ANGPT1: variants seen among roughly 807,000 people sequenced by gnomAD.
ANGPT1 encodes angiopoietin 1.
Under a neutral mutation model 62.2 loss-of-function variants are expected in ANGPT1, and 17 were observed. The observed-to-expected ratio is 0.27, with a 90% confidence interval of 0.19 to 0.41. ANGPT1 has a LOEUF of 0.41. Among genes scored for constraint, ANGPT1 ranks in the 10% least tolerant of loss-of-function variants. ANGPT1 has a pLI of 1.00. For missense variants in ANGPT1, 478 were observed against 594.9 expected (o/e 0.80, Z 2.04); for synonymous variants, 199 against 198.9 (o/e 1.00, Z 0.00).
chr8:107,416,807 T>C (rs1387174430), intron 1 of ANGPT1, among the ~76,000 whole-genome samples: 1 of 151,408 alleles, frequency 6.6e-6, no homozygotes. Flanking sequence ...ATCTTTTTTT[T>C]TTTTTTTTTG....
At chr8:107,392,008 A>G (rs1049866001) in intron 1 of ANGPT1, among the ~76,000 whole-genome samples, 25 of 152,196 alleles carry the variant, frequency 1.6e-4, no homozygotes, top group African/African-American at 5.8e-4. Context: ...TATGTGGTGC[A>G]TGACTGTAAT....
intron 1 of ANGPT1, among the ~76,000 whole-genome samples, chr8:107,416,908 C>T (rs1162881235): frequency 6.6e-6 from 1 of 151,730 alleles, no homozygotes; most frequent in Non-Finnish European, 1.5e-5. Flanking sequence ...TCTCCCGCCT[C>T]AGGTTCCCCA....
At chr8:107,290,241 T>C (rs567336930) in intron 6 of ANGPT1, among the ~76,000 whole-genome samples, 3 of 152,004 alleles carry the variant, frequency 2.0e-5, no homozygotes, top group East Asian at 3.9e-4. Context: ...CCCATAGATA[T>C]CAATCACTAT....
chr8:107,438,746 T>C (rs144695766), intron 1 of ANGPT1, among the ~76,000 whole-genome samples: 77 of 152,266 alleles, frequency 5.1e-4, no homozygotes, highest in African/African-American at 1.7e-3. Context: ...TCATTTTATG[T>C]AGTGGGTGGT....
intron 3 of ANGPT1, among the ~76,000 whole-genome samples, chr8:107,333,541 T>A (rs1442796949): frequency 2.0e-5 from 3 of 152,110 alleles, no homozygotes; most frequent in Non-Finnish European, 4.4e-5. Context: ...TAGCAATAAA[T>A]GATGTGATTT....
chr8:107,342,847 A>G (rs1484646516), intron 2 of ANGPT1, among the ~76,000 whole-genome samples: 1 of 151,458 alleles, frequency 6.6e-6, no homozygotes, highest in Non-Finnish European at 1.5e-5. Flanking sequence ...ATATATATAT[A>G]TATTTAAAGA....
At chr8:107,378,514 A>G (rs1160933383) in intron 1 of ANGPT1, among the ~76,000 whole-genome samples, 3 of 152,148 alleles carry the variant, frequency 2.0e-5, no homozygotes, top group Non-Finnish European at 4.4e-5. Context: ...CACCATATAT[A>G]CCTAACTATA....
In ANGPT1 at chr8:107,338,170, G is replaced by A. The variant is rs749093621; in HGVS notation, c.454-1899C>T. Among the ~76,000 whole-genome samples, 3 of 152,154 alleles carry A rather than the reference G, an allele frequency of 2.0e-5. No individual in the cohort carries two copies. In the South Asian group the frequency reaches 6.2e-4, roughly 32 times the overall value. The stretch of plus-strand genomic sequence containing the variant: ...GGACTTGGGCTACAGGAATTTGCAG[G>A]AGTAGGGGATGTATTTGAAGGGAGC... On this transcript the variant is annotated intron_variant, in intron 2 of 8. Coordinates refer to ENST00000517746, the MANE Select transcript of ANGPT1 (RefSeq NM_001146.5).
At chr8:107,460,680 T>C (rs1812047383) in intron 1 of ANGPT1, among the ~76,000 whole-genome samples, 1 of 152,160 alleles carries the variant, frequency 6.6e-6, no homozygotes, top group Non-Finnish European at 1.5e-5. Flanking sequence ...GCTGCCTGCT[T>C]GACACACATG....
intron 1 of ANGPT1, among the ~76,000 whole-genome samples, chr8:107,382,017 G>A (rs533973393): frequency 4.0e-4 from 61 of 152,120 alleles, no homozygotes; most frequent in African/African-American, 1.4e-3. Flanking sequence ...TTTATATCAG[G>A]AATTTTTACT....
chr8:107,453,271 C>T (rs1418546212), intron 1 of ANGPT1, among the ~76,000 whole-genome samples: 7 of 152,162 alleles, frequency 4.6e-5, no homozygotes, highest in Admixed American at 4.6e-4. Context: ...TACAAAGATG[C>T]TCATTGCAAT....
At chr8:107,332,048 C>T (rs2130103380) in intron 3 of ANGPT1, among the ~76,000 whole-genome samples, 1 of 152,256 alleles carries the variant, frequency 6.6e-6, no homozygotes, top group South Asian at 2.1e-4. Flanking sequence ...AACCTTTCGA[C>T]TAACAGACCC....
At position 107,311,323 on chromosome 8, in the gene ANGPT1, G is replaced by A. The variant is rs186804661; in HGVS notation, c.809-7956C>T. The stretch of plus-strand genomic sequence containing the variant: ...AAAATTAATTCATATGGATAATAAC[G>A]GATTAAATTATTAGAAAAAAAGCCA... On this transcript the variant is annotated intron_variant, in intron 4 of 8. Transcript: ENST00000517746. Among the ~76,000 whole-genome samples, 394 of 151,630 alleles carry A rather than the reference G, an allele frequency of 2.6e-3. 2 individuals are homozygous for A. Among genetic ancestry groups the A allele is most frequent in the African/African-American group, 3.5e-3 (144 of 41,236 alleles).
chr8:107,453,904 G>A (rs915709782), intron 1 of ANGPT1, among the ~76,000 whole-genome samples: 2 of 151,720 alleles, frequency 1.3e-5, no homozygotes, highest in African/African-American at 4.8e-5. Context: ...AGTCACCATA[G>A]TTTTAAAAAA....
chr8:107,365,538 G>A (rs1357037710), intron 1 of ANGPT1, among the ~76,000 whole-genome samples: 1 of 152,094 alleles, frequency 6.6e-6, no homozygotes, highest in Admixed American at 6.6e-5. Flanking sequence ...ATGGTATTGG[G>A]CATGAAGCAA....
chr8:107,497,270 G>A lies in ANGPT1; in HGVS notation c.289C>T (p.Leu97=), dbSNP rs780076773. ...TGAAAGCAATCACTTACTTTTTGCAGCCACTGAGTATAATTTTCCATCACA... is the reference window on the plus strand; with the variant it reads ...TGAAAGCAATCACTTACTTTTTGCAACCACTGAGTATAATTTTCCATCACA... ...EHVMENYTQW[L]QKLENYIVEN... is the part of the protein sequence containing the mutation. Residue 97 remains leucine, a synonymous_variant, in exon 1 of 9, where the codon CTG becomes TTG. Transcript: ENST00000517746. 6 of 1,612,602 alleles carry A rather than the reference G, an allele frequency of 3.7e-6. No homozygotes were observed. In the South Asian group the frequency reaches 6.6e-5, roughly 18 times the overall value.
intron 1 of ANGPT1, among the ~76,000 whole-genome samples, chr8:107,406,997 C>A (rs563330880): frequency 7.2e-5 from 11 of 151,746 alleles, no homozygotes; most frequent in Non-Finnish European, 1.2e-4. Flanking sequence ...GAAAGACCAT[C>A]TTTGAAGTGT....
intron 1 of ANGPT1, among the ~76,000 whole-genome samples, chr8:107,447,533 C>G (rs1811653102): frequency 6.6e-6 from 1 of 152,210 alleles, no homozygotes; most frequent in Admixed American, 6.5e-5. Flanking sequence ...ATCCCTCTGC[C>G]TTAGACCACT....
At chr8:107,320,547 TG>T (rs1815126743) in intron 4 of ANGPT1, among the ~76,000 whole-genome samples, 1 of 152,212 alleles carries the variant, frequency 6.6e-6, no homozygotes, top group African/African-American at 2.4e-5. Context: ...TAAAATTCTC[TG>T]GCAAAATACT....
Sources: gnomAD v4.1 joint callset for allele counts (sites outside exome capture counted in the v4.1 genomes callset) on GRCh38, gnomAD v4.1.1 for gene constraint, MANE v1.5 for transcripts, NCBI Gene and HGNC (gene_info 2026-07-23, HGNC 2026-07-21) for gene names.